Variants in CARMIL1 observed in about 807,000 individuals in gnomAD.
CARMIL1 encodes F-actin-uncapping protein LRRC16A.
In CARMIL1, 90 loss-of-function variants were observed where a neutral mutation model predicts 177.1. That is an observed-to-expected ratio of 0.51 (90% CI 0.43 to 0.61). The LOEUF is 0.61. Among genes scored for constraint, CARMIL1 ranks in the 20% least tolerant of loss-of-function variants. The probability of loss-of-function intolerance (pLI) is 0.00; values close to 1 mark genes in which losing one functional copy is unlikely to be tolerated. For synonymous variants in CARMIL1, 577 were observed against 606.2 expected (o/e 0.95, Z 0.71); for missense variants, 1,380 against 1,667.0 (o/e 0.83, Z 3.00).
chr6:25,594,362 G>A (rs1814611090), intron 31 of CARMIL1, 53 bp from the exon 32 acceptor site: 25 of 1,155,034 alleles, frequency 2.2e-5, no homozygotes, highest in Non-Finnish European at 3.1e-5. Context: ...AGTAATAAAT[G>A]TTTGCTAAAT....
At chr6:25,428,345 G>A (rs540521813) in intron 4 of CARMIL1, among the ~76,000 whole-genome samples, 1 of 152,042 alleles carries the variant, frequency 6.6e-6, no homozygotes, top group Non-Finnish European at 1.5e-5. Context: ...GTCCGTTTAA[G>A]TGTGAATCTA....
intron 31 of CARMIL1, among the ~76,000 whole-genome samples, chr6:25,588,523 T>C (rs1813988806): frequency 6.6e-6 from 1 of 152,224 alleles, no homozygotes; most frequent in Non-Finnish European, 1.5e-5. Flanking sequence ...TTCACATTCA[T>C]CTGAATACCA....
chr6:25,321,052 AGCC>A (rs1784633906), intron 2 of CARMIL1, among the ~76,000 whole-genome samples: 28 of 49,112 alleles, frequency 5.7e-4, no homozygotes, highest in African/African-American at 2.0e-3. Flanking sequence ...TGCCTCCCCC[AGCC>A]CCCACCCCCA....
At chr6:25,351,569 C>T (rs886410454) in intron 2 of CARMIL1, among the ~76,000 whole-genome samples, 1 of 152,202 alleles carries the variant, frequency 6.6e-6, no homozygotes, top group African/African-American at 2.4e-5. Flanking sequence ...GCTCACTTTA[C>T]GGTTTTTGGT....
At chr6:25,286,519 T>G in intron 2 of CARMIL1, among the ~76,000 whole-genome samples, 1 of 152,260 alleles carries the variant, frequency 6.6e-6, no homozygotes, top group Non-Finnish European at 1.5e-5. Context: ...TGAGATTTCC[T>G]TAAGTTATGT....
At chr6:25,402,272 G>A (rs73730725) in intron 2 of CARMIL1, among the ~76,000 whole-genome samples, 1 of 152,090 alleles carries the variant, frequency 6.6e-6, no homozygotes, top group Non-Finnish European at 1.5e-5. Context: ...TTATTTTTAT[G>A]TGACATTTAG....
intron 31 of CARMIL1, among the ~76,000 whole-genome samples, chr6:25,581,739 A>G (rs905788766): frequency 6.6e-6 from 1 of 152,218 alleles, no homozygotes; most frequent in Non-Finnish European, 1.5e-5. Context: ...TTTATCTAGG[A>G]TAGGAAATCC....
chr6:25,332,980 C>A (rs1369137906), intron 2 of CARMIL1, among the ~76,000 whole-genome samples: 9 of 152,086 alleles, frequency 5.9e-5, no homozygotes, highest in African/African-American at 2.2e-4. Flanking sequence ...TAGGGAAATA[C>A]CGCCTTGAAG....
At chr6:25,478,503 A>C (rs1801785380) in intron 11 of CARMIL1, among the ~76,000 whole-genome samples, 1 of 152,210 alleles carries the variant, frequency 6.6e-6, no homozygotes, top group African/African-American at 2.4e-5. Flanking sequence ...TATTTTAAAA[A>C]TGGCATAGAT....
At chr6:25,358,639 C>T (rs768792666) in intron 2 of CARMIL1, among the ~76,000 whole-genome samples, 18 of 152,046 alleles carry the variant, frequency 1.2e-4, no homozygotes, top group Non-Finnish European at 1.6e-4. Context: ...GGTCAAGCAA[C>T]GCCTCTAAGG....
At chr6:25,410,682 G>T (rs1794824849) in intron 2 of CARMIL1, among the ~76,000 whole-genome samples, 1 of 152,152 alleles carries the variant, frequency 6.6e-6, no homozygotes, top group African/African-American at 2.4e-5. Context: ...TTTGTTCCAC[G>T]AGGGCAGCCA....
chr6:25,480,650 ATTAT>A (rs1189419420), intron 11 of CARMIL1, among the ~76,000 whole-genome samples: 1 of 84,240 alleles, frequency 1.2e-5, no homozygotes, highest in Admixed American at 1.3e-4. Flanking sequence ...ATAAATTTAA[ATTAT>A]TTATATTTAA....
At chr6:25,363,096 T>G (rs1789407715) in intron 2 of CARMIL1, among the ~76,000 whole-genome samples, 1 of 152,156 alleles carries the variant, frequency 6.6e-6, no homozygotes, top group Non-Finnish European at 1.5e-5. Flanking sequence ...TACTCACTAC[T>G]CAGGTAGTGA....
chr6:25,592,312 ATTAAC>A (rs1423187967), intron 31 of CARMIL1, among the ~76,000 whole-genome samples: 1 of 152,234 alleles, frequency 6.6e-6, no homozygotes, highest in Non-Finnish European at 1.5e-5. Flanking sequence ...CAAGAACTAT[ATTAAC>A]TTAAGGGGCT....
chr6:25,332,078 G>A (rs1785679575), intron 2 of CARMIL1, among the ~76,000 whole-genome samples: 1 of 152,062 alleles, frequency 6.6e-6, no homozygotes, highest in South Asian at 2.1e-4. Flanking sequence ...GCCCAGGCTG[G>A]CCTTGAACTC....
At chr6:25,371,747 A>G (rs923382187) in intron 2 of CARMIL1, among the ~76,000 whole-genome samples, 16 of 152,066 alleles carry the variant, frequency 1.1e-4, no homozygotes, top group African/African-American at 3.9e-4. Context: ...GCTGTGCAGA[A>G]GCTTTTTAGT....
At chr6:25,378,456 T>G (rs1791225563) in intron 2 of CARMIL1, among the ~76,000 whole-genome samples, 1 of 152,210 alleles carries the variant, frequency 6.6e-6, no homozygotes, top group African/African-American at 2.4e-5. Context: ...ATCGTGAATC[T>G]CAGTTGAGCT....
At chr6:25,408,234 G>C (rs1288427859) in intron 2 of CARMIL1, among the ~76,000 whole-genome samples, 1 of 149,834 alleles carries the variant, frequency 6.7e-6, no homozygotes, top group East Asian at 2.0e-4. Context: ...GCTGCAGTGA[G>C]CCGAGATTGC....
At chr6:25,283,194 A>T (rs368882717) in intron 1 of CARMIL1, among the ~76,000 whole-genome samples, 3 of 152,330 alleles carry the variant, frequency 2.0e-5, no homozygotes, top group East Asian at 3.9e-4. Context: ...CTGAAAATAA[A>T]TGTGAAAGAC....
Sources: gnomAD v4.1 joint callset for allele counts (sites outside exome capture counted in the v4.1 genomes callset) on GRCh38, gnomAD v4.1.1 for gene constraint, MANE v1.5 for transcripts, NCBI Gene and HGNC (gene_info 2026-07-23, HGNC 2026-07-21) for gene names.